The following DEPDC1B variants were observed in gnomAD, a reference collection of about 807,000 sequenced individuals.
The protein encoded by DEPDC1B is DEP domain containing 1B, also known as DEP domain-containing protein 1B.
Under a neutral mutation model 66.5 loss-of-function variants are expected in DEPDC1B, and 51 were observed. The observed-to-expected ratio is 0.77, with a 90% confidence interval of 0.61 to 0.97. The LOEUF (loss-of-function observed/expected upper bound fraction) is 0.97. Among genes scored for constraint, DEPDC1B ranks in the 50% least tolerant of loss-of-function variants. DEPDC1B has a pLI of 0.00. For missense variants in DEPDC1B, 552 were observed against 637.1 expected (o/e 0.87, Z 1.44); for synonymous variants, 226 against 223.6 (o/e 1.01, Z -0.10).
At position 60,623,430 on chromosome 5, in the gene DEPDC1B, A is replaced by G. The variant is rs527603849; in HGVS notation, c.898+15320T>C. On this transcript the variant is annotated intron_variant, in intron 7 of 10. Transcript: ENST00000265036. Reference sequence around the variant, plus strand: ...ACCACACCTGAAAGTAAGATTTTATAGTAAGTCTTAAAAACAGGTAATGTA... The same window carrying G: ...ACCACACCTGAAAGTAAGATTTTATGGTAAGTCTTAAAAACAGGTAATGTA... Among the ~76,000 whole-genome samples the G allele has an allele frequency of 3.3e-5, 5 of 152,288 alleles. No individual in the cohort carries two copies. In the East Asian group the frequency reaches 7.7e-4, roughly 23 times the overall value.
At chr5:60,608,832 G>A (rs1752362173) in intron 7 of DEPDC1B, among the ~76,000 whole-genome samples, 1 of 152,148 alleles carries the variant, frequency 6.6e-6, no homozygotes, top group African/African-American at 2.4e-5. Context: ...AATGAGGCTA[G>A]GCATGGTGGC....
Position 60,698,669 on chromosome 5 carries a change from ATTT to A in DEPDC1B, c.48+1374_48+1376del, listed in dbSNP as rs34466259. Among the ~76,000 whole-genome samples, 13 of 143,914 alleles carry A rather than the reference ATTT, an allele frequency of 9.0e-5. No homozygotes were observed. In the East Asian group the frequency reaches 2.6e-3, roughly 29 times the overall value. The allele number at this position is 143,914 out of a possible 152,430, so 94.4% of individuals were successfully genotyped here. A position where few individuals can be genotyped will look rare whatever the true frequency, so the allele number is the denominator to read the frequency against. ...CACAGACTCTCCCAATCTCCTTATTATTTTTTTTTTTTTTTGAGATGGAGTTTC... is the reference window on the plus strand; with the variant it reads ...CACAGACTCTCCCAATCTCCTTATTATTTTTTTTTTTTGAGATGGAGTTTC... On this transcript the variant is annotated intron_variant, in intron 1 of 10. Coordinates refer to ENST00000265036, the MANE Select transcript of DEPDC1B (RefSeq NM_018369.3).
chr5:60,684,775 A>G (rs1754375016), intron 2 of DEPDC1B, among the ~76,000 whole-genome samples: 1 of 152,212 alleles, frequency 6.6e-6, no homozygotes, highest in Non-Finnish European at 1.5e-5. Flanking sequence ...TCTGCATAGC[A>G]AACAACACAA....
At position 60,599,097 on chromosome 5, in the gene DEPDC1B, T is replaced by C. The variant is rs761568348; in HGVS notation, c.1406A>G (p.Glu469Gly). ...TACCTGCTTCAGTTTCTTCTTTTTC[T>C]CTTTGTTGGAGAGTTTGGCATCTGT... ...VITDAKLSNK[E>G]KKKKLKQFQK... Residue 469 changes from glutamate to glycine, a missense_variant, in exon 10 of 11, where the codon GAG (glutamate) becomes GGG (glycine). Transcript: ENST00000265036. 2.4e-5 allele frequency: 38 copies of C among 1,594,806 alleles called. 2 individuals are homozygous for C. In the Middle Eastern group the frequency reaches 5.0e-4, roughly 21 times the overall value.
At chr5:60,665,292 T>C (rs944878733) in intron 2 of DEPDC1B, among the ~76,000 whole-genome samples, 1 of 152,216 alleles carries the variant, frequency 6.6e-6, no homozygotes, top group Non-Finnish European at 1.5e-5. Context: ...ACCCATGATA[T>C]GGCCAAATCA....
At chr5:60,624,178 T>C (rs887199117) in intron 7 of DEPDC1B, among the ~76,000 whole-genome samples, 7 of 152,196 alleles carry the variant, frequency 4.6e-5, no homozygotes, top group Admixed American at 2.6e-4. Flanking sequence ...TCTATTGTAA[T>C]GTATTTAACA....
In DEPDC1B at chr5:60,627,430, T is replaced by A. The variant is rs540350701; in HGVS notation, c.898+11320A>T. Among the ~76,000 whole-genome samples the A allele has an allele frequency of 1.1e-3, 161 of 152,218 alleles. 4 individuals carry two copies. The South Asian group carries it at 0.017, about 16-fold the overall frequency. Reference sequence around the variant, plus strand: ...AAGAAGTTCTGAAGGACATTAGCATTCTATCTTTTTTTTTTCTCCCAAAGA... The same window carrying A: ...AAGAAGTTCTGAAGGACATTAGCATACTATCTTTTTTTTTTCTCCCAAAGA... On this transcript the variant is annotated intron_variant, in intron 7 of 10. Coordinates refer to ENST00000265036, the MANE Select transcript of DEPDC1B (RefSeq NM_018369.3).
At chr5:60,661,662 G>A (rs1753717927) in intron 2 of DEPDC1B, among the ~76,000 whole-genome samples, 1 of 152,186 alleles carries the variant, frequency 6.6e-6, no homozygotes, top group Non-Finnish European at 1.5e-5. Context: ...GAGATATAAT[G>A]TTACTGCTAG....
chr5:60,681,638 C>A (rs566142334), intron 2 of DEPDC1B, among the ~76,000 whole-genome samples: 1 of 152,132 alleles, frequency 6.6e-6, no homozygotes, highest in Non-Finnish European at 1.5e-5. Context: ...CGCAATCATT[C>A]CCCATTAACA....
At chr5:60,667,360 T>A (rs904929332) in intron 2 of DEPDC1B, among the ~76,000 whole-genome samples, 14 of 150,686 alleles carry the variant, frequency 9.3e-5, no homozygotes, top group South Asian at 4.2e-4. Flanking sequence ...CATATATATA[T>A]AAAATGGATA....
At chr5:60,670,034 A>G (rs1200301835) in intron 2 of DEPDC1B, among the ~76,000 whole-genome samples, 1 of 152,060 alleles carries the variant, frequency 6.6e-6, no homozygotes, top group African/African-American at 2.4e-5. Flanking sequence ...CACCGAAATA[A>G]TCACCCCAGA....
chr5:60,661,561 A>C (rs1753716037), intron 2 of DEPDC1B, among the ~76,000 whole-genome samples: 1 of 152,188 alleles, frequency 6.6e-6, no homozygotes, highest in Non-Finnish European at 1.5e-5. Context: ...CTTGAAGCAA[A>C]TTAAAACAGA....
chr5:60,602,307 C>T (rs1752217824), intron 9 of DEPDC1B, among the ~76,000 whole-genome samples: 1 of 150,762 alleles, frequency 6.6e-6, no homozygotes, highest in Non-Finnish European at 1.5e-5. Context: ...AACTCTGATA[C>T]TTTTTGGTGT....
intron 7 of DEPDC1B, among the ~76,000 whole-genome samples, chr5:60,633,867 A>G (rs1175416764): frequency 2.0e-5 from 3 of 152,192 alleles, no homozygotes; most frequent in Non-Finnish European, 4.4e-5. Flanking sequence ...GCTATAAAAT[A>G]CCATTTTATT....
In DEPDC1B at chr5:60,666,484, T is replaced by C. The variant is rs76289371; in HGVS notation, c.315-18951A>G. Among the ~76,000 whole-genome samples the C allele has an allele frequency of 6.0e-3, 908 of 152,236 alleles. 10 individuals are homozygous for C. The highest frequency in any genetic ancestry group is 0.017 in the Middle Eastern group (5 of 294). On this transcript the variant is annotated intron_variant, in intron 2 of 10. Coordinates refer to ENST00000265036, the MANE Select transcript of DEPDC1B (RefSeq NM_018369.3). ...ACACCTCGATGTGGTACTCTCCCCT[T>C]TTCCCTAAGGATGGGCTTTCTGAGA...
intron 7 of DEPDC1B, among the ~76,000 whole-genome samples, chr5:60,633,611 C>A (rs2111831715): frequency 6.6e-6 from 1 of 152,308 alleles, no homozygotes; most frequent in East Asian, 1.9e-4. Context: ...CTACCAATAG[C>A]CTGCAGTCCT....
chr5:60,604,370 G>A (rs962530484), intron 8 of DEPDC1B, among the ~76,000 whole-genome samples: 1 of 151,534 alleles, frequency 6.6e-6, no homozygotes, highest in African/African-American at 2.4e-5. Context: ...ACAGGCGCCT[G>A]CCACCATGCC....
At chr5:60,661,946 T>C (rs1002256265) in intron 2 of DEPDC1B, among the ~76,000 whole-genome samples, 2 of 152,118 alleles carry the variant, frequency 1.3e-5, no homozygotes, top group African/African-American at 4.8e-5. Flanking sequence ...ATGTCCACCA[T>C]AATACAGGGA....
At chr5:60,616,604 A>G (rs189207880) in intron 7 of DEPDC1B, among the ~76,000 whole-genome samples, 256 of 152,312 alleles carry the variant, frequency 1.7e-3, no homozygotes, top group Non-Finnish European at 1.4e-3. Flanking sequence ...ATAAAAAGAA[A>G]CGAACAAAGC....
Sources: gnomAD v4.1 joint callset for allele counts (sites outside exome capture counted in the v4.1 genomes callset) on GRCh38, gnomAD v4.1.1 for gene constraint, MANE v1.5 for transcripts, NCBI Gene and HGNC (gene_info 2026-07-23, HGNC 2026-07-21) for gene names.